The following MCTP1 variants were observed in gnomAD, a reference collection of about 807,000 sequenced individuals.
MCTP1 encodes multiple C2 and transmembrane domain containing 1, also known as multiple C2 and transmembrane domain-containing protein 1.
Under a neutral mutation model 120.6 loss-of-function variants are expected in MCTP1, and 69 were observed. The ratio of observed to expected loss-of-function variants is 0.57; its 90% CI spans 0.47 to 0.70. The LOEUF (loss-of-function observed/expected upper bound fraction) is 0.70, where lower values mean the gene tolerates loss of function less well. MCTP1 is among the 30% of genes least tolerant of loss of function. The pLI, the probability that MCTP1 is intolerant of heterozygous loss-of-function variation, is 0.00. For missense variants in MCTP1, 1,203 were observed against 1,248.8 expected, an observed-to-expected ratio of 0.96 and a Z score of 0.55; for synonymous variants, 529 against 493.1, an observed-to-expected ratio of 1.07 and a Z score of -0.96.
At chr5:94,857,829 A>G (rs924817721) in intron 17 of MCTP1, among the ~76,000 whole-genome samples, 2 of 151,730 alleles carry the variant, frequency 1.3e-5, no homozygotes, top group Admixed American at 1.3e-4. Flanking sequence ...ACACCTTCCA[A>G]ATTCAAATAT....
At chr5:95,021,842 T>A (rs1298325689) in intron 1 of MCTP1, among the ~76,000 whole-genome samples, 1 of 152,162 alleles carries the variant, frequency 6.6e-6, no homozygotes, top group Non-Finnish European at 1.5e-5. Flanking sequence ...CTGAATTAGA[T>A]TTGATTATAA....
chr5:94,793,664 G>A (rs957231041), intron 18 of MCTP1: 9 of 152,188 alleles, frequency 5.9e-5, no homozygotes, highest in Non-Finnish European at 1.0e-4. Context: ...TGCATATGAC[G>A]TCCTCTCCTC....
intron 11 of MCTP1, among the ~76,000 whole-genome samples, chr5:94,891,450 G>A (rs966144945): frequency 1.2e-4 from 19 of 152,150 alleles, no homozygotes; most frequent in Admixed American, 1.2e-3. Context: ...CTAATGATGG[G>A]GAATAGTTTT....
Position 94,796,486 on chromosome 5 carries a change from C to T in MCTP1, c.2556+2527G>A, listed in dbSNP as rs1780028636. Among the ~76,000 whole-genome samples, 6 of 150,566 alleles carry T rather than the reference C, an allele frequency of 4.0e-5. No individual in the cohort carries two copies. In the South Asian group the frequency reaches 8.4e-4, roughly 21 times the overall value. On this transcript the variant is annotated intron_variant, in intron 18 of 22. Coordinates refer to ENST00000515393, the MANE Select transcript of MCTP1 (RefSeq NM_024717.7). ...AAAATACCATACTTCCAGTGCTATG[C>T]GCTATGCAGGAGAGTCAATGCATCG...
chr5:94,979,295 G>A (rs1347756927), intron 2 of MCTP1: 1 of 152,124 alleles, frequency 6.6e-6, no homozygotes, highest in African/African-American at 2.4e-5. Flanking sequence ...GATGTGTATA[G>A]GGAGACTGTA....
At chr5:95,017,809 G>A (rs1429666637) in intron 1 of MCTP1, among the ~76,000 whole-genome samples, 1 of 152,074 alleles carries the variant, frequency 6.6e-6, no homozygotes, top group East Asian at 1.9e-4. Flanking sequence ...TGTCTGAAGT[G>A]AAAACATAAT....
chr5:94,815,829 G>C (rs1158760171), intron 17 of MCTP1, among the ~76,000 whole-genome samples: 1 of 152,176 alleles, frequency 6.6e-6, no homozygotes, highest in Admixed American at 6.5e-5. Flanking sequence ...TTGTCAATTA[G>C]AGCAATGGTA....
At chr5:95,194,223 A>G (rs1750135523) in intron 1 of MCTP1, among the ~76,000 whole-genome samples, 1 of 152,150 alleles carries the variant, frequency 6.6e-6, no homozygotes, top group Admixed American at 6.6e-5. Context: ...AAAATAAAGA[A>G]AAAAGAAAAG....
intron 2 of MCTP1, among the ~76,000 whole-genome samples, chr5:94,987,929 G>A (rs1308458756): frequency 1.3e-5 from 2 of 152,114 alleles, no homozygotes; most frequent in Non-Finnish European, 2.9e-5. Flanking sequence ...ACTTTCACAT[G>A]TAATTACATC....
At chr5:95,063,678 T>G (rs1036502163) in intron 1 of MCTP1, among the ~76,000 whole-genome samples, 1 of 152,176 alleles carries the variant, frequency 6.6e-6, no homozygotes, top group South Asian at 2.1e-4. Context: ...TCACTGCAGC[T>G]TTAACCTCCC....
intron 12 of MCTP1, among the ~76,000 whole-genome samples, chr5:94,884,191 C>T (rs1419446739): frequency 6.6e-6 from 1 of 152,124 alleles, no homozygotes; most frequent in African/African-American, 2.4e-5. Flanking sequence ...GCACAGTAAT[C>T]AAAGTGTTAA....
intron 18 of MCTP1, among the ~76,000 whole-genome samples, chr5:94,786,251 T>G (rs1777660795): frequency 6.6e-6 from 1 of 152,096 alleles, no homozygotes; most frequent in African/African-American, 2.4e-5. Context: ...CTAATTTGAG[T>G]TTTCTTTTTC....
intron 17 of MCTP1, among the ~76,000 whole-genome samples, chr5:94,804,967 T>C (rs1781993814): frequency 6.6e-6 from 1 of 152,158 alleles, no homozygotes; most frequent in Non-Finnish European, 1.5e-5. Flanking sequence ...AAAATCTAGA[T>C]CTTTACAAAA....
At chr5:95,004,170 G>A (rs1488859029) in intron 2 of MCTP1, among the ~76,000 whole-genome samples, 1 of 152,210 alleles carries the variant, frequency 6.6e-6, no homozygotes, top group East Asian at 1.9e-4. Flanking sequence ...ACTTGAGAGA[G>A]ATAATTTAGG....
intron 1 of MCTP1, among the ~76,000 whole-genome samples, chr5:95,211,129 T>C (rs1016384302): frequency 2.8e-4 from 43 of 152,090 alleles, no homozygotes; most frequent in Non-Finnish European, 5.1e-4. Context: ...ATTTCAACTT[T>C]GGTGAATCTG....
At chr5:95,111,003 G>A (rs1757410448) in intron 1 of MCTP1, among the ~76,000 whole-genome samples, 1 of 152,078 alleles carries the variant, frequency 6.6e-6, no homozygotes, top group Admixed American at 6.6e-5. Flanking sequence ...TTTTGTAATG[G>A]GGAAAAAGAA....
chr5:95,235,622 T>TA (rs1755460336), intron 1 of MCTP1, among the ~76,000 whole-genome samples: 1 of 152,154 alleles, frequency 6.6e-6, no homozygotes, highest in African/African-American at 2.4e-5. Context: ...AAATTTTTTT[T>TA]AAAAAGTGTA....
intron 1 of MCTP1, among the ~76,000 whole-genome samples, chr5:95,141,282 T>C (rs1364496402): frequency 6.6e-6 from 1 of 152,220 alleles, no homozygotes; most frequent in Non-Finnish European, 1.5e-5. Flanking sequence ...TTAAAAGAAT[T>C]TGATGAAGCA....
At chr5:94,922,997 C>CAAAAAAAAAAAAAAAAA (rs202245253) in intron 7 of MCTP1, among the ~76,000 whole-genome samples, 1 of 99,548 alleles carries the variant, frequency 1.0e-5, no homozygotes. Flanking sequence ...TAAAAAGCTG[C>CAAAAAAAAAAAAAAAAA]AAAAAAAAAA....
Sources: gnomAD v4.1 joint callset for allele counts (sites outside exome capture counted in the v4.1 genomes callset) on GRCh38, gnomAD v4.1.1 for gene constraint, MANE v1.5 for transcripts, NCBI Gene and HGNC (gene_info 2026-07-23, HGNC 2026-07-21) for gene names.